Variants in KNTC1 observed in about 807,000 individuals in gnomAD.
KNTC1 encodes kinetochore associated 1.
A neutral mutation model predicts 314.4 loss-of-function variants in KNTC1; 253 were observed. The observed-to-expected ratio is 0.80, with a 90% CI of 0.73 to 0.89. The LOEUF (loss-of-function observed/expected upper bound fraction) is 0.89. Ranked by LOEUF, KNTC1 falls within the 40% of genes least tolerant of loss-of-function variation. The pLI is 0.00. For missense variants in KNTC1, 2,475 were observed against 2,572.9 expected, an observed-to-expected ratio of 0.96 and a Z score of 0.82; for synonymous variants, 901 against 901.4, an observed-to-expected ratio of 1.00 and a Z score of 0.01.
intron 7 of KNTC1, 87 bp from the exon 8 acceptor site, chr12:122,544,072 T>A: frequency 5.4e-6 from 3 of 556,576 alleles, no homozygotes; most frequent in South Asian, 3.0e-5. Context: ...AAAAAATTTA[T>A]AACTGATTGA....
chr12:122,557,403 C>T lies in KNTC1; in HGVS notation c.1292C>T (p.Ser431Leu), dbSNP rs766736485. 12 of 1,613,086 alleles carry T rather than the reference C, an allele frequency of 7.4e-6. No homozygotes were observed. Among genetic ancestry groups the T allele is most frequent in the Non-Finnish European group, 1.0e-5 (12 of 1,179,598 alleles). The change falls in exon 17 of 64, where the codon TCA (serine) becomes TTA (leucine). Residue 431 changes from serine to leucine, a missense_variant. Ser to Leu is a moderately radical substitution (Grantham distance 145). Transcript: ENST00000333479. The part of the protein sequence containing the change: ...LDVELVYKVK[S>L]NHILEKLALS... ...TTACAGCTTGTTTACAAGGTCAAGT[C>T]AAATCATATATTGGAGAAACTGGCA...
intron 18 of KNTC1, among the ~76,000 whole-genome samples, 189 bp downstream of exon 18, chr12:122,557,878 C>T (rs950457207): frequency 6.6e-6 from 1 of 152,110 alleles, no homozygotes; most frequent in African/African-American, 2.4e-5. Flanking sequence ...GTATACAGTT[C>T]AGTGGTTTTT....
At chr12:122,588,186 C>G (rs950941716) in intron 39 of KNTC1, among the ~76,000 whole-genome samples, 5 of 152,200 alleles carry the variant, frequency 3.3e-5, no homozygotes, top group African/African-American at 7.2e-5. Context: ...TCTTCACACT[C>G]TAAGCTTAGT....
chr12:122,543,997 C>T (rs940297331), intron 7 of KNTC1, among the ~76,000 whole-genome samples, 162 bp from the exon 8 acceptor site: 11 of 148,746 alleles, frequency 7.4e-5, no homozygotes, highest in African/African-American at 2.5e-4. Context: ...TGTGGTGAGC[C>T]GAGATTGCGC....
At chr12:122,615,398 C>T (rs1439301138) in intron 56 of KNTC1, 72 bp from the exon 57 acceptor site, 3 of 1,246,394 alleles carry the variant, frequency 2.4e-6, no homozygotes, top group Non-Finnish European at 3.3e-6. Flanking sequence ...GGAACTTTAA[C>T]ATCTGGTATT....
chr12:122,580,500 C>T, intron 32 of KNTC1, 103 bp from the exon 33 acceptor site: 3 of 681,372 alleles, frequency 4.4e-6, no homozygotes, highest in Admixed American at 5.3e-5. Flanking sequence ...CTACTGAAGA[C>T]TTGAGATGAG....
chr12:122,625,066 AATT>A lies in KNTC1; in HGVS notation c.6606+385_6606+387del, dbSNP rs1874872093. Among the ~76,000 whole-genome samples the A allele has an allele frequency of 2.0e-5, 3 of 152,314 alleles. No individual in the cohort carries two copies. The South Asian group carries it at 6.2e-4, about 32-fold the overall frequency. On this transcript the variant is annotated intron_variant, in intron 63 of 63. Coordinates refer to ENST00000333479, the MANE Select transcript of KNTC1 (RefSeq NM_014708.6). ...TTGGGTATTAATTGCTTTTTAAATT[AATT>A]ATTATTCTTTAATTACCTAAAACGT...
At chr12:122,567,357 A>G (rs1168226202) in intron 20 of KNTC1, among the ~76,000 whole-genome samples, 1 of 152,096 alleles carries the variant, frequency 6.6e-6, no homozygotes, top group Non-Finnish European at 1.5e-5. Flanking sequence ...GGCGTGAGCC[A>G]CCACGATCAG....
chr12:122,609,338 C>T (rs1478913041), intron 51 of KNTC1, 46 bp from the exon 52 acceptor site: 2 of 1,168,416 alleles, frequency 1.7e-6, no homozygotes, highest in African/African-American at 3.1e-5. Context: ...TTTGTTTAGT[C>T]ATAAACTTTT....
In KNTC1 at chr12:122,614,951, G is replaced by A; in HGVS notation, c.5878-40G>A. 4.9e-6 allele frequency: 7 copies of A among 1,441,190 alleles called. No individual in the cohort carries two copies. In the Admixed American group the frequency reaches 1.1e-4, roughly 22 times the overall value. 89.3% of individuals were successfully genotyped at this position (1,441,190 alleles called of 1,614,324 possible). A position where few individuals can be genotyped will look rare whatever the true frequency, so the allele number is the denominator to read the frequency against. On this transcript the variant is annotated intron_variant, in intron 55 of 63. Coordinates refer to ENST00000333479, the MANE Select transcript of KNTC1 (RefSeq NM_014708.6). ...TCCAAAGATGGCTTGATTTACTGGT[G>A]TCTTGGAATAGCATGATTTTTTTCT...
chr12:122,584,482 A>G, intron 35 of KNTC1, 32 bp downstream of exon 35: 1 of 1,526,884 alleles, frequency 6.5e-7, no homozygotes, highest in Non-Finnish European at 8.9e-7. Flanking sequence ...GTAGTTTTAT[A>G]TTCTCTGGTT....
intron 55 of KNTC1, 68 bp downstream of exon 55, chr12:122,613,829 G>A: frequency 6.9e-7 from 1 of 1,457,472 alleles, no homozygotes; most frequent in Non-Finnish European, 9.1e-7. Context: ...GAGAAAACCA[G>A]GAACAGTCTT....
At chr12:122,618,582 G>GT in intron 59 of KNTC1, 37 bp downstream of exon 59, 1 of 1,359,104 alleles carries the variant, frequency 7.4e-7, no homozygotes, top group Non-Finnish European at 1.0e-6. Context: ...AAAAAAAAAA[G>GT]TTTGTTGCTT....
chr12:122,563,230 G>A (rs1405919999), intron 20 of KNTC1, among the ~76,000 whole-genome samples: 1 of 151,948 alleles, frequency 6.6e-6, no homozygotes. Context: ...GAGTGCAGTG[G>A]TGCGATCATA....
intron 1 of KNTC1, among the ~76,000 whole-genome samples, chr12:122,529,555 T>C (rs1961129432): frequency 6.6e-6 from 1 of 152,214 alleles, no homozygotes; most frequent in Non-Finnish European, 1.5e-5. Flanking sequence ...ATAGCATCAA[T>C]GGACTTTTTC....
At chr12:122,574,410 CT>C in intron 27 of KNTC1, 30 bp downstream of exon 27, 1 of 1,289,316 alleles carries the variant, frequency 7.8e-7, no homozygotes, top group South Asian at 1.3e-5. Flanking sequence ...TTGCGTTTCC[CT>C]TTTGAGCATT....
chr12:122,609,498 T>C (rs1427719998), intron 52 of KNTC1, 68 bp downstream of exon 52: 16 of 1,068,760 alleles, frequency 1.5e-5, no homozygotes, highest in Non-Finnish European at 2.2e-5. Flanking sequence ...CAGTACATTT[T>C]TCAGCAGTTG....
chr12:122,596,078 T>C lies in KNTC1; in HGVS notation c.4356-1653T>C, dbSNP rs1693456037. Among the ~76,000 whole-genome samples, 3 of 140,200 alleles carry C rather than the reference T, an allele frequency of 2.1e-5. No individual in the cohort carries two copies. In the South Asian group the frequency reaches 7.2e-4, roughly 34 times the overall value. 92.0% of individuals were successfully genotyped at this position (140,200 alleles called of 152,430 possible). A position where few individuals can be genotyped will look rare whatever the true frequency, so the allele number is the denominator to read the frequency against. On this transcript the variant is annotated intron_variant, in intron 43 of 63. Transcript: ENST00000333479. ...GTCATTTTGTCTATAGTAACCAGAT[T>C]CTTTTTTTTTTTTTTTTTTTTTGAG... is the stretch of plus-strand genomic sequence containing the variant.
chr12:122,545,098 T>C (rs1249170113), intron 8 of KNTC1, among the ~76,000 whole-genome samples: 1 of 152,234 alleles, frequency 6.6e-6, no homozygotes, highest in Non-Finnish European at 1.5e-5. Flanking sequence ...AAAAGTAACA[T>C]TTCATTATTG....
Sources: gnomAD v4.1 joint callset for allele counts (sites outside exome capture counted in the v4.1 genomes callset) on GRCh38, gnomAD v4.1.1 for gene constraint, MANE v1.5 for transcripts, NCBI Gene and HGNC (gene_info 2026-07-23, HGNC 2026-07-21) for gene names.